PXDNL: variants seen among roughly 807,000 people sequenced by gnomAD.
PXDNL encodes the protein probable oxidoreductase PXDNL.
A neutral mutation model predicts 150.8 loss-of-function variants in PXDNL; 145 were observed. That is an observed-to-expected ratio of 0.96 (90% CI 0.84 to 1.10). The LOEUF is 1.10. Among genes scored for constraint, PXDNL ranks in the 50% least tolerant of loss-of-function variants. The probability of loss-of-function intolerance (pLI) is 0.00; values close to 1 mark genes in which losing one functional copy is unlikely to be tolerated. For missense variants in PXDNL, 2,087 were observed against 1,873.9 expected (o/e 1.11, Z -2.10); for synonymous variants, 757 against 725.7 (o/e 1.04, Z -0.69).
At chr8:51,807,735 GGTGT>G (rs1408459185) in intron 1 of PXDNL, among the ~76,000 whole-genome samples, 1 of 152,142 alleles carries the variant, frequency 6.6e-6, no homozygotes, top group Non-Finnish European at 1.5e-5. Flanking sequence ...TACATTTAGA[GGTGT>G]GTGTCTAATG....
chr8:51,630,101 T>C (rs911854881), intron 2 of PXDNL, among the ~76,000 whole-genome samples: 21 of 151,998 alleles, frequency 1.4e-4, no homozygotes, highest in African/African-American at 4.8e-4. Context: ...CATAGACCAA[T>C]GGAAAAGAAT....
intron 12 of PXDNL, chr8:51,436,508 C>A: frequency 3.0e-6 from 1 of 331,674 alleles, no homozygotes; most frequent in South Asian, 2.9e-5. Flanking sequence ...CCATGTGATC[C>A]CACTGTTCAG....
Position 51,654,763 on chromosome 8 carries a change from G to T in PXDNL, c.165-3C>A. On this transcript the variant is annotated splice_region_variant and splice_polypyrimidine_tract_variant and intron_variant, in intron 1 of 22. Coordinates refer to ENST00000356297, the MANE Select transcript of PXDNL (RefSeq NM_144651.5). The stretch of plus-strand genomic sequence containing the variant: ...TTATTCTGTTAAACCTCAAGTCTCT[G>T]GGAACATAAAAAGGTGAAGAACGAT... The T allele has an allele frequency of 1.2e-6, 2 of 1,611,508 alleles. No individual in the cohort carries two copies. Among genetic ancestry groups the T allele is most frequent in the African/African-American group, 2.7e-5 (2 of 74,984 alleles).
chr8:51,490,669 T>C (rs1304020744), intron 5 of PXDNL, among the ~76,000 whole-genome samples: 1 of 150,000 alleles, frequency 6.7e-6, no homozygotes, highest in Non-Finnish European at 1.5e-5. Context: ...CATATATACA[T>C]ATATATACAT....
At chr8:51,716,441 T>C (rs768376177) in intron 1 of PXDNL, among the ~76,000 whole-genome samples, 20 of 152,232 alleles carry the variant, frequency 1.3e-4, no homozygotes, top group Non-Finnish European at 2.4e-4. Context: ...GTCAAGCTAG[T>C]TGAAGTGAGG....
At chr8:51,632,063 A>T (rs1814499695) in intron 2 of PXDNL, among the ~76,000 whole-genome samples, 1 of 152,106 alleles carries the variant, frequency 6.6e-6, no homozygotes, top group African/African-American at 2.4e-5. Flanking sequence ...CAGCAGAATG[A>T]CTTTTAAAAC....
chr8:51,720,645 A>G (rs1173007160), intron 1 of PXDNL, among the ~76,000 whole-genome samples: 1 of 152,254 alleles, frequency 6.6e-6, no homozygotes, highest in Non-Finnish European at 1.5e-5. Context: ...CCTAAATTCA[A>G]GTTTATCAGA....
intron 1 of PXDNL, among the ~76,000 whole-genome samples, chr8:51,719,094 G>A (rs1185277709): frequency 3.3e-5 from 5 of 152,088 alleles, no homozygotes; most frequent in East Asian, 1.9e-4. Flanking sequence ...GCCTCTGCCC[G>A]GCCGCCCCTT....
intron 1 of PXDNL, among the ~76,000 whole-genome samples, chr8:51,794,079 A>G (rs531683661): frequency 6.6e-6 from 1 of 152,180 alleles, no homozygotes; most frequent in African/African-American, 2.4e-5. Context: ...GAGCTTGAAG[A>G]CTATCTTGCT....
At chr8:51,557,988 C>A (rs1312982631) in intron 3 of PXDNL, among the ~76,000 whole-genome samples, 2 of 152,198 alleles carry the variant, frequency 1.3e-5, no homozygotes, top group African/African-American at 4.8e-5. Context: ...TTAATTGATA[C>A]TTCAGAAGAT....
intron 1 of PXDNL, among the ~76,000 whole-genome samples, chr8:51,763,477 A>T (rs1205808413): frequency 6.6e-6 from 1 of 152,122 alleles, no homozygotes; most frequent in Non-Finnish European, 1.5e-5. Context: ...ACATGCTGGC[A>T]GGTCACCCTA....
At chr8:51,626,288 A>T (rs1276912630) in intron 2 of PXDNL, among the ~76,000 whole-genome samples, 1 of 152,172 alleles carries the variant, frequency 6.6e-6, no homozygotes, top group African/African-American at 2.4e-5. Flanking sequence ...GTGCAACCTT[A>T]GTGGCTTTTA....
At chr8:51,538,226 A>G (rs1489407917) in intron 4 of PXDNL, among the ~76,000 whole-genome samples, 2 of 152,194 alleles carry the variant, frequency 1.3e-5, no homozygotes, top group Non-Finnish European at 2.9e-5. Flanking sequence ...CCAAACATGC[A>G]CTTTGATTTT....
chr8:51,716,760 G>C (rs1258061778), intron 1 of PXDNL, among the ~76,000 whole-genome samples: 1 of 152,196 alleles, frequency 6.6e-6, no homozygotes, highest in Non-Finnish European at 1.5e-5. Flanking sequence ...CCCAAAGGCA[G>C]GTGGAAAACG....
At chr8:51,492,489 C>G (rs1810918474) in intron 5 of PXDNL, among the ~76,000 whole-genome samples, 1 of 152,178 alleles carries the variant, frequency 6.6e-6, no homozygotes, top group South Asian at 2.1e-4. Context: ...CAAGGCATCA[C>G]CTCACCCAGA....
chr8:51,495,470 CA>C (rs1280443626), intron 5 of PXDNL, among the ~76,000 whole-genome samples: 1 of 151,918 alleles, frequency 6.6e-6, no homozygotes, highest in Non-Finnish European at 1.5e-5. Context: ...AAAAACCCTT[CA>C]AAAAATCAAT....
At chr8:51,633,513 A>T (rs796323463) in intron 2 of PXDNL, among the ~76,000 whole-genome samples, 4 of 152,184 alleles carry the variant, frequency 2.6e-5, no homozygotes, top group African/African-American at 9.6e-5. Context: ...CACCAACAGC[A>T]TATATGTGTT....
In PXDNL at chr8:51,671,968, A is replaced by G. The variant is rs148174622; in HGVS notation, c.165-17208T>C. Among the ~76,000 whole-genome samples the G allele has an allele frequency of 1.0e-3, 152 of 152,306 alleles. 1 individual carries two copies. Among genetic ancestry groups the G allele is most frequent in the African/African-American group, 3.4e-3 (143 of 41,574 alleles). On this transcript the variant is annotated intron_variant, in intron 1 of 22. Transcript: ENST00000356297. Reference sequence around the variant, plus strand: ...GCATGGTTTCACCGAGAATAAATTAACTATTGCAAGTCAAAACATTCTTAT... The same window carrying G: ...GCATGGTTTCACCGAGAATAAATTAGCTATTGCAAGTCAAAACATTCTTAT...
chr8:51,553,734 G>A (rs1348246320), intron 4 of PXDNL, among the ~76,000 whole-genome samples: 4 of 135,128 alleles, frequency 3.0e-5, no homozygotes, highest in Admixed American at 2.9e-4. Flanking sequence ...CTTATTGTGA[G>A]GGATTTTATA....
Sources: gnomAD v4.1 joint callset for allele counts (sites outside exome capture counted in the v4.1 genomes callset) on GRCh38, gnomAD v4.1.1 for gene constraint, MANE v1.5 for transcripts, NCBI Gene and HGNC (gene_info 2026-07-23, HGNC 2026-07-21) for gene names.